The following CLYBL variants were observed in gnomAD, a reference collection of about 807,000 sequenced individuals.
CLYBL encodes the protein citramalyl-CoA lyase, also known as citramalyl-CoA lyase, mitochondrial.
Under a neutral mutation model 38.9 loss-of-function variants are expected in CLYBL, and 31 were observed. That is an observed-to-expected ratio of 0.80 (90% CI 0.60 to 1.08). The LOEUF (loss-of-function observed/expected upper bound fraction) is 1.08, where lower values mean the gene tolerates loss of function less well. Ranked by LOEUF, CLYBL falls within the 50% of genes least tolerant of loss-of-function variation. The pLI is 0.00. For synonymous variants in CLYBL, 171 were observed against 158.6 expected (o/e 1.08, Z -0.59); for missense variants, 434 against 411.6 (o/e 1.05, Z -0.47).
chr13:99,659,184 T>C (rs1245221825), intron 1 of CLYBL, among the ~76,000 whole-genome samples: 1 of 152,130 alleles, frequency 6.6e-6, no homozygotes, highest in African/African-American at 2.4e-5. Context: ...ATTCCTCTTC[T>C]AAATCATCCT....
At chr13:99,711,751 G>A (rs1204833191) in intron 1 of CLYBL, among the ~76,000 whole-genome samples, 1 of 149,446 alleles carries the variant, frequency 6.7e-6, no homozygotes, top group Non-Finnish European at 1.5e-5. Flanking sequence ...GAGTCTTGCT[G>A]TGTCACCAGG....
chr13:99,694,449 T>G (rs980949855), intron 1 of CLYBL, among the ~76,000 whole-genome samples: 10 of 152,182 alleles, frequency 6.6e-5, no homozygotes, highest in Admixed American at 6.5e-4. Context: ...CGTTTCAGCC[T>G]CGAAGTGAGA....
chr13:99,739,059 A>C (rs1311137132), intron 1 of CLYBL, among the ~76,000 whole-genome samples: 1 of 152,254 alleles, frequency 6.6e-6, no homozygotes, highest in Admixed American at 6.5e-5. Flanking sequence ...GAAGATACCA[A>C]AATCTTAAAA....
chr13:99,805,544 C>T (rs1176553396), intron 2 of CLYBL, among the ~76,000 whole-genome samples: 1 of 151,686 alleles, frequency 6.6e-6, no homozygotes, highest in African/African-American at 2.4e-5. Context: ...CCGGTTGCTC[C>T]CACGCCCTCA....
chr13:99,751,040 A>G (rs1033382908), intron 1 of CLYBL, among the ~76,000 whole-genome samples: 3 of 152,164 alleles, frequency 2.0e-5, no homozygotes, highest in East Asian at 3.8e-4. Context: ...TCCAACACGT[A>G]TTTGTACAGC....
chr13:99,710,081 A>T (rs1235830940), intron 1 of CLYBL, among the ~76,000 whole-genome samples: 2 of 151,576 alleles, frequency 1.3e-5, no homozygotes, highest in African/African-American at 2.4e-5. Flanking sequence ...CCCGCCACCA[A>T]GCCCGGCTAA....
intron 2 of CLYBL, among the ~76,000 whole-genome samples, chr13:99,819,416 TTATA>T (rs71715024): frequency 0.023 from 411 of 18,200 alleles, 1 homozygote; most frequent in Middle Eastern, 0.062. Flanking sequence ...GGGAAAAAAT[TTATA>T]TATATATATA....
At chr13:99,888,562 C>G (rs1169166738) in intron 7 of CLYBL, among the ~76,000 whole-genome samples, 1 of 152,018 alleles carries the variant, frequency 6.6e-6, no homozygotes, top group Non-Finnish European at 1.5e-5. Context: ...CCAGCCTGGA[C>G]AACATGGTGA....
intron 1 of CLYBL, among the ~76,000 whole-genome samples, chr13:99,691,180 G>A (rs781439534): frequency 6.6e-5 from 10 of 152,150 alleles, no homozygotes; most frequent in Non-Finnish European, 1.2e-4. Context: ...ATAAAAATGT[G>A]TAAGCACTGT....
intron 1 of CLYBL, among the ~76,000 whole-genome samples, chr13:99,755,731 G>A (rs541803227): frequency 1.3e-5 from 2 of 152,262 alleles, no homozygotes; most frequent in African/African-American, 2.4e-5. Context: ...TCTCCCAGAG[G>A]GTGAGTGGGA....
chr13:99,828,709 A>G (rs2050746412), intron 2 of CLYBL, among the ~76,000 whole-genome samples: 1 of 152,208 alleles, frequency 6.6e-6, no homozygotes. Flanking sequence ...ATGTTGGAAA[A>G]GGTGGAGGGA....
In CLYBL at chr13:99,728,951, GA is replaced by G. The variant is rs767556213; in HGVS notation, c.63-43872del. On this transcript the variant is annotated intron_variant, in intron 1 of 8. Coordinates refer to ENST00000339105, the MANE Select transcript of CLYBL (RefSeq NM_206808.5). ...AGACAGCAATTTTCGACATATTCAAGACAGTTGTTCCTTCTGCTTTGGAATG... is the reference window on the plus strand; with the variant it reads ...AGACAGCAATTTTCGACATATTCAAGCAGTTGTTCCTTCTGCTTTGGAATG... 5.6e-4 allele frequency among the ~76,000 whole-genome samples: 86 copies of G among 152,282 alleles called. 2 individuals are homozygous for G. Among genetic ancestry groups the G allele is most frequent in the Middle Eastern group, 3.4e-3 (1 of 294 alleles).
intron 1 of CLYBL, among the ~76,000 whole-genome samples, chr13:99,741,662 A>G (rs1475544345): frequency 6.6e-6 from 1 of 152,234 alleles, no homozygotes; most frequent in Non-Finnish European, 1.5e-5. Flanking sequence ...TTTGTAGTAG[A>G]GACGGGGTTT....
intron 7 of CLYBL, among the ~76,000 whole-genome samples, chr13:99,872,140 A>T (rs1215065381): frequency 6.6e-6 from 1 of 152,216 alleles, no homozygotes; most frequent in Non-Finnish European, 1.5e-5. Flanking sequence ...ACAATATTAA[A>T]TGGGTCATTC....
intron 1 of CLYBL, among the ~76,000 whole-genome samples, chr13:99,698,166 A>C (rs1023193175): frequency 6.6e-6 from 1 of 150,484 alleles, no homozygotes. Flanking sequence ...ACGTTTTGCC[A>C]TGCTGGAGTT....
At chr13:99,800,600 T>G (rs1442575431) in intron 2 of CLYBL, among the ~76,000 whole-genome samples, 1 of 152,110 alleles carries the variant, frequency 6.6e-6, no homozygotes, top group Non-Finnish European at 1.5e-5. Flanking sequence ...TTGGCCGGGT[T>G]TGGTAGCTCA....
intron 1 of CLYBL, among the ~76,000 whole-genome samples, chr13:99,745,079 C>T (rs140664271): frequency 6.6e-6 from 1 of 152,288 alleles, no homozygotes; most frequent in African/African-American, 2.4e-5. Flanking sequence ...CAAATATCAG[C>T]GTTAGCTAGA....
At chr13:99,872,001 A>AG (rs1413354878) in intron 7 of CLYBL, among the ~76,000 whole-genome samples, 2 of 142,446 alleles carry the variant, frequency 1.4e-5, no homozygotes, top group African/African-American at 2.6e-5. Context: ...AAAAAAAAAA[A>AG]AAAAAGAAAA....
At chr13:99,618,731 C>T (rs1253724963) in intron 1 of CLYBL, among the ~76,000 whole-genome samples, 1 of 152,198 alleles carries the variant, frequency 6.6e-6, no homozygotes, top group Non-Finnish European at 1.5e-5. Context: ...CCACCCAGCC[C>T]CTGGTAACCA....
Sources: allele counts gnomAD v4.1 joint callset (sites outside exome capture counted in the v4.1 genomes callset), GRCh38; gene constraint gnomAD v4.1.1; transcripts MANE v1.5; gene names NCBI Gene and HGNC (gene_info 2026-07-23, HGNC 2026-07-21).